TET2: variants seen among roughly 807,000 people sequenced by gnomAD.
TET2 encodes methylcytosine dioxygenase TET2.
TET2 carries 299 observed loss-of-function variants against 142.9 expected under a neutral mutation model. The ratio of observed to expected loss-of-function variants is 2.09; its 90% CI spans 1.90 to 2.30. The LOEUF (loss-of-function observed/expected upper bound fraction) is 2.30, where lower values mean the gene tolerates loss of function less well. TET2 is among the 30% of genes most tolerant of loss of function. TET2 has a pLI of 0.00. For missense variants in TET2, 2,418 were observed against 2,378.0 expected, an observed-to-expected ratio of 1.02 and a Z score of -0.35; for synonymous variants, 819 against 849.0, an observed-to-expected ratio of 0.96 and a Z score of 0.61.
At chr4:105,241,851 G>T in intron 4 of TET2, 1 of 1,246,692 alleles carries the variant, frequency 8.0e-7, no homozygotes, top group African/African-American at 1.6e-5. Context: ...TTGCAAATGA[G>T]TACTTATCTC....
chr4:105,192,654 C>G (rs950156619), intron 2 of TET2, among the ~76,000 whole-genome samples: 1 of 152,168 alleles, frequency 6.6e-6, no homozygotes, highest in Non-Finnish European at 1.5e-5. Context: ...ATACCAGGCA[C>G]TCTTCTAGGA....
chr4:105,241,391 TCCTAA>T lies in TET2; in HGVS notation c.3463_3467del (p.Pro1155CysfsTer5). 6.4e-7 allele frequency: 1 copy of T among 1,550,828 alleles called. No homozygotes were observed. Among genetic ancestry groups the T allele is most frequent in the Non-Finnish European group, 8.7e-7 (1 of 1,146,742 alleles). On this transcript the variant is annotated frameshift_variant, in exon 4 of 11. Coordinates refer to ENST00000380013, the MANE Select transcript of TET2 (RefSeq NM_001127208.3). LOFTEE classifies it high-confidence loss of function. ...CTTTTTATACCCATCTAGGAGCAGGTCCTAATGTGGCAGCTATTAGAGAAATCATG... is the reference window on the plus strand; with the variant it reads ...CTTTTTATACCCATCTAGGAGCAGGTTGTGGCAGCTATTAGAGAAATCATG...
chr4:105,239,885 T>G (rs1729198382), intron 3 of TET2: 1 of 239,142 alleles, frequency 4.2e-6, no homozygotes, highest in African/African-American at 2.2e-5. Flanking sequence ...ACTTGAACAC[T>G]TAGAGGCCAC....
chr4:105,190,220 T>C (rs2110480289), intron 1 of TET2, 140 bp from the exon 2 acceptor site: 1 of 456,290 alleles, frequency 2.2e-6, no homozygotes, highest in Non-Finnish European at 3.9e-6. Context: ...TGAGAAAGAT[T>C]CTCTAAGTTT....
At chr4:105,202,656 G>T (rs1726553348) in intron 2 of TET2, 1 of 152,058 alleles carries the variant, frequency 6.6e-6, no homozygotes. Flanking sequence ...TCTTCTAAAT[G>T]ACACTTAGTA....
chr4:105,150,366 C>A (rs961666165), intron 1 of TET2, among the ~76,000 whole-genome samples: 1 of 152,148 alleles, frequency 6.6e-6, no homozygotes, highest in African/African-American at 2.4e-5. Context: ...ATTTCATAGT[C>A]TTATCTAGCA....
intron 9 of TET2, among the ~76,000 whole-genome samples, chr4:105,270,298 C>T (rs1409510421): frequency 1.3e-5 from 2 of 152,200 alleles, no homozygotes; most frequent in African/African-American, 2.4e-5. Flanking sequence ...TAGGTTGGCA[C>T]ATTAGTTTCC....
intron 2 of TET2, among the ~76,000 whole-genome samples, chr4:105,233,119 C>A (rs1728600873): frequency 6.6e-6 from 1 of 151,984 alleles, no homozygotes; most frequent in African/African-American, 2.4e-5. Context: ...TGCGGTGGCT[C>A]ACACCTGTAA....
chr4:105,187,850 C>T (rs1330318417), intron 1 of TET2, among the ~76,000 whole-genome samples: 2 of 152,114 alleles, frequency 1.3e-5, no homozygotes, highest in Non-Finnish European at 2.9e-5. Context: ...TTAAAACATA[C>T]AATAACAGGT....
intron 2 of TET2, among the ~76,000 whole-genome samples, chr4:105,195,939 C>T (rs748179012): frequency 1.1e-4 from 17 of 152,154 alleles, no homozygotes; most frequent in Non-Finnish European, 1.2e-4. Context: ...CACTTGTACA[C>T]GTGCACATAC....
chr4:105,147,217 T>A (rs535318805), intron 1 of TET2, among the ~76,000 whole-genome samples: 26 of 152,252 alleles, frequency 1.7e-4, no homozygotes, highest in Admixed American at 7.8e-4. Flanking sequence ...CTAATGCTCG[T>A]CCCCTCATCT....
intron 1 of TET2, among the ~76,000 whole-genome samples, chr4:105,164,173 TC>T (rs1724031212): frequency 6.6e-6 from 1 of 152,162 alleles, no homozygotes; most frequent in South Asian, 2.1e-4. Flanking sequence ...AAACTGTGTA[TC>T]CTTTGACAAA....
rs761811530 is a variant in TET2, at chr4:105,243,615, C to T, written c.3640C>T (p.Arg1214Trp). 1.1e-5 allele frequency: 17 copies of T among 1,551,366 alleles called. No individual in the cohort carries two copies. Among genetic ancestry groups the T allele is most frequent in the Admixed American group, 2.0e-5 (1 of 50,968 alleles). ...SSEEKLLCLV[R>W]ERAGHTCEAA... is the part of the protein sequence containing the mutation. Reference sequence around the variant, plus strand: ...TGAAGAGAAGCTACTGTGTTTGGTGCGGGAGCGAGCTGGCCACACCTGTGA... The same window carrying T: ...TGAAGAGAAGCTACTGTGTTTGGTGTGGGAGCGAGCTGGCCACACCTGTGA... Residue 1214 changes from arginine (R) to tryptophan (W), a missense_variant, in exon 6 of 11, where the codon CGG becomes TGG. Arg to Trp is a moderately radical substitution (Grantham distance 101). Coordinates refer to ENST00000380013, the MANE Select transcript of TET2 (RefSeq NM_001127208.3).
chr4:105,234,079 C>G lies in TET2; in HGVS notation c.137C>G (p.Pro46Arg), dbSNP rs376009634. ...NGSPLPERAH[P>R]EVNGDTKWHS... ...AGCCCACTGCCTGAGAGAGCTCATC[C>G]AGAAGTAAATGGAGACACCAAGTGG... Residue 46 changes from proline to arginine, a missense_variant, in exon 3 of 11, where the codon CCA becomes CGA. Transcript: ENST00000380013. 2.0e-5 allele frequency: 32 copies of G among 1,613,904 alleles called. No individual in the cohort carries two copies. Among genetic ancestry groups the G allele is most frequent in the Non-Finnish European group, 2.7e-5 (32 of 1,179,998 alleles).
intron 2 of TET2, among the ~76,000 whole-genome samples, chr4:105,192,810 G>A (rs1186345017): frequency 6.6e-6 from 1 of 152,072 alleles, no homozygotes; most frequent in Non-Finnish European, 1.5e-5. Context: ...ATGTAAAGCA[G>A]AAAAAGGAAA....
Position 105,269,699 on chromosome 4 carries a change from T to A in TET2, c.4134T>A (p.Cys1378Ter), listed in dbSNP as rs2110300861. 6.4e-7 allele frequency: 1 copy of A among 1,551,692 alleles called. No homozygotes were observed. Among genetic ancestry groups the A allele is most frequent in the Non-Finnish European group, 8.7e-7 (1 of 1,146,972 alleles). Residue 1378 changes from cysteine (C) to a stop codon, truncating the protein, a stop_gained, in exon 9 of 11, where the codon TGT becomes TGA. Coordinates refer to ENST00000380013, the MANE Select transcript of TET2 (RefSeq NM_001127208.3). LOFTEE classifies it high-confidence loss of function. Reference sequence around the variant, plus strand: ...GGGTCACTGCATGTTTGGACTTCTGTGCTCATGCCCACAGAGACTTGCACA... The same window carrying A: ...GGGTCACTGCATGTTTGGACTTCTGAGCTCATGCCCACAGAGACTTGCACA... ...FSGVTACLDF[C>*]AHAHRDLHNM...
intron 1 of TET2, among the ~76,000 whole-genome samples, chr4:105,150,636 G>C (rs139716639): frequency 6.6e-6 from 1 of 152,330 alleles, no homozygotes; most frequent in East Asian, 1.9e-4. Context: ...GGAAAGACCA[G>C]TTGCCAAGTA....
rs961270965 is a variant in TET2, at chr4:105,240,296, A to C, written c.3410-1043A>C. ...AGTAACTGTGACTCACAAAAGAACA[A>C]AGCACAATAAAACGAGGTATGCCTG... On this transcript the variant is annotated intron_variant, in intron 3 of 10. Transcript: ENST00000380013. The C allele has an allele frequency of 5.8e-6, 6 of 1,031,566 alleles. No homozygotes were observed. The African/African-American group carries it at 1.0e-4, about 17-fold the overall frequency. The allele number at this position is 1,031,566 out of a possible 1,614,324, so 63.9% of individuals were successfully genotyped here.
chr4:105,267,755 T>TG (rs1422454105), intron 8 of TET2, among the ~76,000 whole-genome samples: 1 of 151,712 alleles, frequency 6.6e-6, no homozygotes, highest in East Asian at 1.9e-4. Context: ...CTTGTGATAT[T>TG]GAAAAAAAAG....
Sources: allele counts gnomAD v4.1 joint callset (sites outside exome capture counted in the v4.1 genomes callset), GRCh38; gene constraint gnomAD v4.1.1; transcripts MANE v1.5; gene names NCBI Gene and HGNC (gene_info 2026-07-23, HGNC 2026-07-21).